Variants in PDGFC observed in about 807,000 individuals in gnomAD.
The protein encoded by PDGFC is platelet-derived growth factor C.
Under a neutral mutation model 35.5 loss-of-function variants are expected in PDGFC, and 12 were observed. The observed-to-expected ratio is 0.34, with a 90% CI of 0.22 to 0.55. The LOEUF is 0.55. PDGFC is among the 20% of genes least tolerant of loss of function. PDGFC has a pLI of 0.91. For synonymous variants in PDGFC, 159 were observed against 148.8 expected, an observed-to-expected ratio of 1.07 and a Z score of -0.50; for missense variants, 322 against 412.4, an observed-to-expected ratio of 0.78 and a Z score of 1.90.
intron 2 of PDGFC, among the ~76,000 whole-genome samples, 164 bp downstream of exon 2, chr4:156,850,057 T>C (rs1729415896): frequency 6.6e-6 from 1 of 152,096 alleles, no homozygotes; most frequent in Non-Finnish European, 1.5e-5. Context: ...CGATTTTAAA[T>C]GAAGACTTCA....
At chr4:156,851,011 C>A (rs2111084282) in intron 1 of PDGFC, among the ~76,000 whole-genome samples, 1 of 152,206 alleles carries the variant, frequency 6.6e-6, no homozygotes, top group Non-Finnish European at 1.5e-5. Flanking sequence ...TGTCAATTAG[C>A]ATACCATACG....
intron 2 of PDGFC, among the ~76,000 whole-genome samples, chr4:156,827,381 C>A (rs1560829454): frequency 6.6e-6 from 1 of 150,724 alleles, no homozygotes; most frequent in Non-Finnish European, 1.5e-5. Context: ...CACGCCACTG[C>A]ACTCCAGCCT....
intron 1 of PDGFC, among the ~76,000 whole-genome samples, chr4:156,964,108 A>G (rs531073669): frequency 2.9e-4 from 44 of 152,070 alleles, no homozygotes; most frequent in Non-Finnish European, 5.0e-4. Context: ...CGTTCACTAA[A>G]CATGCTTATT....
At chr4:156,781,732 G>A (rs1730985102) in intron 3 of PDGFC, among the ~76,000 whole-genome samples, 1 of 152,002 alleles carries the variant, frequency 6.6e-6, no homozygotes, top group Admixed American at 6.6e-5. Flanking sequence ...AAAATTACAT[G>A]GTGAACACCT....
chr4:156,906,033 T>C (rs1730907784), intron 1 of PDGFC, among the ~76,000 whole-genome samples: 3 of 152,190 alleles, frequency 2.0e-5, no homozygotes, highest in East Asian at 3.9e-4. Flanking sequence ...TACACAGAGA[T>C]ATACATTTAT....
intron 5 of PDGFC, 62 bp from the exon 6 acceptor site, chr4:156,763,268 T>A: frequency 1.3e-6 from 1 of 797,032 alleles, no homozygotes; most frequent in Non-Finnish European, 2.2e-6. Flanking sequence ...CTGGCTTTTA[T>A]AAACAAGTAA....
intron 2 of PDGFC, among the ~76,000 whole-genome samples, chr4:156,842,939 C>T (rs1729239041): frequency 6.6e-6 from 1 of 152,146 alleles, no homozygotes; most frequent in Non-Finnish European, 1.5e-5. Context: ...TGCTTCAATA[C>T]TTAGATTACT....
chr4:156,807,483 C>T (rs1393428433), intron 3 of PDGFC, among the ~76,000 whole-genome samples: 1 of 151,926 alleles, frequency 6.6e-6, no homozygotes, highest in Non-Finnish European at 1.5e-5. Context: ...AGAACAGCAT[C>T]ACTTTATTCA....
intron 1 of PDGFC, chr4:156,861,534 C>G (rs1226368281): frequency 6.9e-6 from 5 of 719,586 alleles, no homozygotes; most frequent in Non-Finnish European, 1.0e-5. Context: ...TTGGTGACCT[C>G]AAATCCTAAT....
intron 5 of PDGFC, among the ~76,000 whole-genome samples, chr4:156,764,139 C>T (rs1191433778): frequency 1.3e-5 from 2 of 152,158 alleles, no homozygotes; most frequent in African/African-American, 2.4e-5. Flanking sequence ...AGCATCTCTA[C>T]TTTTTGGATA....
intron 1 of PDGFC, among the ~76,000 whole-genome samples, chr4:156,899,253 G>A (rs557292563): frequency 1.2e-4 from 18 of 152,242 alleles, no homozygotes; most frequent in Non-Finnish European, 2.2e-4. Context: ...GATTGTATCA[G>A]GTATTACAAG....
rs75174104 is a variant in PDGFC, at chr4:156,765,198, A to G, written c.922-1992T>C. On this transcript the variant is annotated intron_variant, in intron 5 of 5. Coordinates refer to ENST00000502773, the MANE Select transcript of PDGFC (RefSeq NM_016205.3). ...CAATTAGTGTTCTTGTTTTTAATTC[A>G]TTTTGAAAGTTTTGACTTTGGTGGA... Among the ~76,000 whole-genome samples, 492 of 152,282 alleles carry G rather than the reference A, an allele frequency of 3.2e-3. 16 individuals carry two copies. In the East Asian group the frequency reaches 0.071, roughly 22 times the overall value.
At chr4:156,770,191 G>A (rs930051870) in intron 4 of PDGFC, 3 of 151,934 alleles carry the variant, frequency 2.0e-5, no homozygotes, top group South Asian at 2.1e-4. Flanking sequence ...TGACACAAAA[G>A]TCAAAAGCCC....
At chr4:156,872,016 T>C (rs903396738) in intron 1 of PDGFC, among the ~76,000 whole-genome samples, 7 of 151,306 alleles carry the variant, frequency 4.6e-5, no homozygotes, top group Non-Finnish European at 7.4e-5. Context: ...GGAAAACAAA[T>C]TAATAAACTA....
At chr4:156,799,172 C>G (rs556136667) in intron 3 of PDGFC, among the ~76,000 whole-genome samples, 1 of 152,246 alleles carries the variant, frequency 6.6e-6, no homozygotes, top group East Asian at 1.9e-4. Context: ...GATCTCTTGC[C>G]TGAATAATTA....
rs750843965 is a variant in PDGFC at position 156,789,976 on chromosome 4, CAA to C, written c.496-17085_496-17084del. ...TGGATGACAGAGTGAGTCTCCATCT[CAA>C]AAAAAAAAAAAAAAAAAAAAGAAAG... On this transcript the variant is annotated intron_variant, in intron 3 of 5. Transcript: ENST00000502773. 7.5e-4 allele frequency among the ~76,000 whole-genome samples: 42 copies of C among 55,932 alleles called. No homozygotes were observed. The East Asian group carries it at 0.018, about 25-fold the overall frequency. The allele number at this position is 55,932 out of a possible 152,430, so 36.7% of individuals were successfully genotyped here. A position where few individuals can be genotyped will look rare whatever the true frequency, so the allele number is the denominator to read the frequency against.
At chr4:156,876,103 G>A (rs945081259) in intron 1 of PDGFC, among the ~76,000 whole-genome samples, 2 of 152,052 alleles carry the variant, frequency 1.3e-5, no homozygotes, top group South Asian at 4.1e-4. Flanking sequence ...TTCTTGTATT[G>A]AAAAACCACA....
chr4:156,955,349 A>T (rs950720647), intron 1 of PDGFC, among the ~76,000 whole-genome samples: 4 of 151,946 alleles, frequency 2.6e-5, no homozygotes, highest in African/African-American at 9.7e-5. Context: ...GAAAACAATT[A>T]TATATTTGAA....
intron 1 of PDGFC, among the ~76,000 whole-genome samples, chr4:156,865,242 C>T (rs180862821): frequency 1.2e-4 from 18 of 150,912 alleles, no homozygotes; most frequent in African/African-American, 3.4e-4. Context: ...ACAAAGTGGT[C>T]CAGCATGAAC....
Sources: allele counts gnomAD v4.1 joint callset (sites outside exome capture counted in the v4.1 genomes callset), GRCh38; gene constraint gnomAD v4.1.1; transcripts MANE v1.5; gene names NCBI Gene and HGNC (gene_info 2026-07-23, HGNC 2026-07-21).